The following LARGE1 variants were observed in gnomAD, a reference collection of about 807,000 sequenced individuals.
LARGE1 encodes the protein xylosyl- and glucuronyltransferase LARGE1.
Under a neutral mutation model 87.6 loss-of-function variants are expected in LARGE1, and 43 were observed. That is an observed-to-expected ratio of 0.49 (90% CI 0.38 to 0.63). The LOEUF (loss-of-function observed/expected upper bound fraction) is 0.63. Ranked by LOEUF, LARGE1 falls within the 30% of genes least tolerant of loss-of-function variation. The pLI, the probability that LARGE1 is intolerant of heterozygous loss-of-function variation, is 0.00. For missense variants in LARGE1, 802 were observed against 1,000.2 expected (o/e 0.80, Z 2.67); for synonymous variants, 434 against 394.6 (o/e 1.10, Z -1.18).
chr22:33,919,083 G>A (rs1412480149), intron 1 of LARGE1, among the ~76,000 whole-genome samples: 3 of 147,840 alleles, frequency 2.0e-5, no homozygotes, highest in African/African-American at 7.5e-5. Context: ...GCTCAACCGA[G>A]GCACATCAGC....
the LARGE1 span, among the ~76,000 whole-genome samples, chr22:33,068,427 C>G: frequency 2.0e-5 from 3 of 152,038 alleles, no homozygotes; most frequent in Non-Finnish European, 4.4e-5. Flanking sequence ...GGGCAGATCA[C>G]GAGGTCAGGA....
intron 3 of LARGE1, among the ~76,000 whole-genome samples, chr22:33,628,711 A>C (rs1296931931): frequency 6.6e-6 from 1 of 152,188 alleles, no homozygotes; most frequent in Non-Finnish European, 1.5e-5. Flanking sequence ...AATAATTCAC[A>C]GTCCCTGATG....
chr22:33,684,539 G>C (rs2081886633), intron 2 of LARGE1, among the ~76,000 whole-genome samples: 2 of 152,096 alleles, frequency 1.3e-5, no homozygotes, highest in African/African-American at 4.8e-5. Context: ...TATTAACAAA[G>C]GGATGGCCCA....
intron 7 of LARGE1, among the ~76,000 whole-genome samples, chr22:33,387,101 CTCAAAAA>C (rs1438661899): frequency 3.5e-5 from 5 of 141,894 alleles, no homozygotes; most frequent in African/African-American, 1.3e-4. Context: ...AAGACTCCAT[CTCAAAAA>C]ACAAAAAACA....
chr22:33,382,297 T>C (rs2065185683), intron 8 of LARGE1, among the ~76,000 whole-genome samples: 1 of 152,182 alleles, frequency 6.6e-6, no homozygotes, highest in African/African-American at 2.4e-5. Flanking sequence ...CATAAGGCCC[T>C]ATCCAGTGAG....
Position 33,304,237 on chromosome 22 carries a change from C to G in LARGE1, c.1722G>C (p.Glu574Asp). The G allele has an allele frequency of 6.2e-7, 1 of 1,614,198 alleles. No individual in the cohort carries two copies. Among genetic ancestry groups the G allele is most frequent in the Non-Finnish European group, 8.5e-7 (1 of 1,180,034 alleles). Residue 574 changes from glutamate to aspartate, a missense_variant, in exon 12 of 15, where the codon GAG (glutamate) becomes GAC (aspartate). Coordinates refer to ENST00000397394, the MANE Select transcript of LARGE1 (RefSeq NM_133642.5). ...IDFLPMYGLY[E>D]YLRKSVIQLD... ...CCCCTGCAGGTCCTTACCTGAGGTA[C>G]TCATAGAGCCCATACATGGGCAGGA...
At chr22:33,397,308 T>C (rs2065783128) in intron 7 of LARGE1, among the ~76,000 whole-genome samples, 1 of 152,034 alleles carries the variant, frequency 6.6e-6, no homozygotes, top group African/African-American at 2.4e-5. Flanking sequence ...AGAGACGGGG[T>C]TTCTCCATGT....
chr22:33,484,193 C>A (rs1460313868), intron 6 of LARGE1, among the ~76,000 whole-genome samples: 1 of 152,090 alleles, frequency 6.6e-6, no homozygotes. Flanking sequence ...TTCTAATGTT[C>A]CTCTCACTTC....
At position 33,316,120 on chromosome 22, in the gene LARGE1, C is replaced by T. The variant is rs755991003; in HGVS notation, c.1416G>A (p.Thr472=). The stretch of plus-strand genomic sequence containing the variant: ...ACAGCTGAGCGACCAGGGTGACGTC[C>T]GTGCTGTCTGCTGCAGGCTCATACT... ...HYEYEPAADS[T]DVTLVAQLSM... is the part of the protein sequence containing the mutation. The change falls in exon 11 of 15, where the codon ACG becomes ACA. Residue 472 remains threonine (T), a synonymous_variant. Transcript: ENST00000397394. The T allele has an allele frequency of 1.9e-5, 31 of 1,613,930 alleles. No homozygotes were observed. The highest frequency in any genetic ancestry group is 2.2e-5 in the East Asian group (1 of 44,876).
intron 1 of LARGE1, among the ~76,000 whole-genome samples, chr22:33,899,886 C>T (rs2267316): frequency 0.41 from 62,328 of 152,096 alleles, 14,206 homozygotes; most frequent in East Asian, 0.83. Flanking sequence ...CTGTACAATG[C>T]TGTAAGTAAA....
chr22:33,364,307 T>C (rs568249461), intron 9 of LARGE1, among the ~76,000 whole-genome samples: 65 of 152,338 alleles, frequency 4.3e-4, no homozygotes, highest in African/African-American at 1.4e-3. Flanking sequence ...TCCGCCCGCC[T>C]CGGCCTCCCA....
chr22:33,270,797 AG>A (rs1401788867), downstream of LARGE1, among the ~76,000 whole-genome samples: 1 of 152,220 alleles, frequency 6.6e-6, no homozygotes, highest in Non-Finnish European at 1.5e-5. Flanking sequence ...GAATTAAAGT[AG>A]GGTCTGTCCT....
intron 6 of LARGE1, among the ~76,000 whole-genome samples, chr22:33,474,910 G>A (rs1036022817): frequency 1.3e-5 from 2 of 152,156 alleles, no homozygotes; most frequent in Non-Finnish European, 2.9e-5. Flanking sequence ...TTGTTCAGGG[G>A]ATAACTGGCT....
At chr22:33,226,495 C>T (rs990289949) in intron 11 of LARGE1, among the ~76,000 whole-genome samples, 1 of 152,204 alleles carries the variant, frequency 6.6e-6, no homozygotes, top group Non-Finnish European at 1.5e-5. Flanking sequence ...GGAGGTCACT[C>T]CTGTCACCAG....
chr22:33,454,611 C>T (rs1163871745), intron 6 of LARGE1, among the ~76,000 whole-genome samples: 2 of 128,248 alleles, frequency 1.6e-5, no homozygotes, highest in East Asian at 4.6e-4. Flanking sequence ...GAGCAAGACT[C>T]TGTCTAAAAA....
intron 11 of LARGE1, among the ~76,000 whole-genome samples, chr22:33,220,272 T>C (rs1418724334): frequency 1.3e-5 from 2 of 152,222 alleles, no homozygotes; most frequent in Non-Finnish European, 2.9e-5. Context: ...GGGAGAGATA[T>C]TATGCTCATA....
intron 6 of LARGE1, among the ~76,000 whole-genome samples, chr22:33,459,441 C>CTTTT (rs3071562): frequency 3.1e-5 from 4 of 128,344 alleles, no homozygotes; most frequent in Admixed American, 7.9e-5. Context: ...CGCTCTCTCT[C>CTTTT]TTTTTTTTTT....
At chr22:33,518,993 G>A (rs1249311315) in intron 6 of LARGE1, among the ~76,000 whole-genome samples, 1 of 152,154 alleles carries the variant, frequency 6.6e-6, no homozygotes, top group Non-Finnish European at 1.5e-5. Flanking sequence ...AAGTCAGCTA[G>A]TTGGAACTTA....
chr22:33,854,213 A>G (rs951179994), intron 1 of LARGE1, among the ~76,000 whole-genome samples: 34 of 65,394 alleles, frequency 5.2e-4, no homozygotes, highest in South Asian at 2.0e-3. Flanking sequence ...ACTTAAGGGG[A>G]AAAAAAAAAA....
Sources: gnomAD v4.1 joint callset for allele counts (sites outside exome capture counted in the v4.1 genomes callset) on GRCh38, gnomAD v4.1.1 for gene constraint, MANE v1.5 for transcripts, NCBI Gene and HGNC (gene_info 2026-07-23, HGNC 2026-07-21) for gene names.